The following USH2A variants were observed in gnomAD, a reference collection of about 807,000 sequenced individuals.
The protein encoded by USH2A is usherin.
In USH2A, 443 loss-of-function variants were observed where a neutral mutation model predicts 538.9. The observed-to-expected ratio is 0.82, with a 90% CI of 0.76 to 0.89. The LOEUF (loss-of-function observed/expected upper bound fraction) is 0.89, where lower values mean the gene tolerates loss of function less well. Ranked by LOEUF, USH2A falls within the 40% of genes least tolerant of loss-of-function variation. The pLI is 0.00. For missense variants in USH2A, 6,633 were observed against 6,324.8 expected, an observed-to-expected ratio of 1.05 and a Z score of -1.65; for synonymous variants, 2,413 against 2,273.5, an observed-to-expected ratio of 1.06 and a Z score of -1.75.
intron 3 of USH2A, among the ~76,000 whole-genome samples, chr1:216,369,597 A>G (rs550248486): frequency 6.6e-6 from 1 of 152,278 alleles, no homozygotes; most frequent in African/African-American, 2.4e-5. Flanking sequence ...TTGGCATTAC[A>G]AAAGTAGTTA....
intron 64 of USH2A, among the ~76,000 whole-genome samples, chr1:215,655,746 TTTTC>T (rs1558039933): frequency 6.8e-6 from 1 of 146,952 alleles, no homozygotes; most frequent in South Asian, 2.3e-4. Context: ...TTTTTTTTTT[TTTTC>T]TTTGAGACAG....
intron 32 of USH2A, among the ~76,000 whole-genome samples, chr1:216,006,954 T>C (rs925440100): frequency 3.3e-5 from 5 of 152,210 alleles, no homozygotes; most frequent in African/African-American, 9.6e-5. Flanking sequence ...TCTTGAATTG[T>C]AGTTCCCATA....
At chr1:216,315,681 A>G (rs1020505809) in intron 9 of USH2A, among the ~76,000 whole-genome samples, 1 of 152,158 alleles carries the variant, frequency 6.6e-6, no homozygotes, top group Non-Finnish European at 1.5e-5. Flanking sequence ...AGAGTACACA[A>G]ATTGTCTTTA....
At chr1:216,166,133 G>A (rs2034164415) in intron 21 of USH2A, among the ~76,000 whole-genome samples, 1 of 152,082 alleles carries the variant, frequency 6.6e-6, no homozygotes, top group Non-Finnish European at 1.5e-5. Flanking sequence ...CCCAGATTTG[G>A]CATGGGAGGA....
At chr1:216,410,240 G>T in intron 3 of USH2A, among the ~76,000 whole-genome samples, 1 of 152,152 alleles carries the variant, frequency 6.6e-6, no homozygotes, top group Non-Finnish European at 1.5e-5. Context: ...ATGCTTAATA[G>T]GCTGATGTTG....
At chr1:215,687,439 C>T (rs570413298) in intron 61 of USH2A, among the ~76,000 whole-genome samples, 221 of 151,890 alleles carry the variant, frequency 1.5e-3, no homozygotes, top group African/African-American at 5.1e-3. Context: ...AAAGAAGACT[C>T]AATTCACAGA....
intron 61 of USH2A, among the ~76,000 whole-genome samples, chr1:215,694,108 G>A (rs1314839298): frequency 6.6e-6 from 1 of 152,168 alleles, no homozygotes; most frequent in Non-Finnish European, 1.5e-5. Context: ...GACTGGCACT[G>A]TACTCCAACT....
intron 13 of USH2A, among the ~76,000 whole-genome samples, chr1:216,232,594 A>T (rs2035722106): frequency 6.6e-6 from 1 of 152,218 alleles, no homozygotes; most frequent in Non-Finnish European, 1.5e-5. Flanking sequence ...CAGACTAAAA[A>T]AAGTTATCTG....
chr1:216,352,168 T>G (rs2038299962), intron 4 of USH2A, among the ~76,000 whole-genome samples: 1 of 152,096 alleles, frequency 6.6e-6, no homozygotes, highest in Non-Finnish European at 1.5e-5. Flanking sequence ...CATTTAAAGC[T>G]ATAAGACTGG....
At chr1:216,388,056 C>T (rs1445157613) in intron 3 of USH2A, among the ~76,000 whole-genome samples, 1 of 152,018 alleles carries the variant, frequency 6.6e-6, no homozygotes, top group Non-Finnish European at 1.5e-5. Flanking sequence ...AAGTCCTTGC[C>T]CAGGACTTGA....
intron 17 of USH2A, among the ~76,000 whole-genome samples, chr1:216,198,917 T>C (rs897187544): frequency 6.6e-6 from 1 of 152,322 alleles, no homozygotes; most frequent in East Asian, 1.9e-4. Context: ...AGAATTGATA[T>C]TCACAATTTC....
Position 215,752,620 on chromosome 1 carries a change from C to T in USH2A, c.11389+5975G>A, listed in dbSNP as rs577029647. Reference sequence around the variant, plus strand: ...AAAGCTTTCTGGTTACTACTTCCTTCACGCTGCAAAAAGTCATTGTTGCAA... The same window carrying T: ...AAAGCTTTCTGGTTACTACTTCCTTTACGCTGCAAAAAGTCATTGTTGCAA... On this transcript the variant is annotated intron_variant, in intron 58 of 71. Transcript: ENST00000307340. Among the ~76,000 whole-genome samples, 6 of 152,306 alleles carry T rather than the reference C, an allele frequency of 3.9e-5. No individual in the cohort carries two copies. In the South Asian group the frequency reaches 6.2e-4, roughly 16 times the overall value.
chr1:216,260,964 C>T (rs183781028), intron 11 of USH2A, among the ~76,000 whole-genome samples: 1 of 152,142 alleles, frequency 6.6e-6, no homozygotes, highest in Admixed American at 6.6e-5. Flanking sequence ...AATATTTGAG[C>T]TTTTAACCTC....
chr1:216,422,393 C>A lies in USH2A; in HGVS notation c.-57G>T. The A allele has an allele frequency of 1.2e-6, 2 of 1,609,668 alleles. No homozygotes were observed. The highest frequency in any genetic ancestry group is 1.7e-6 in the Non-Finnish European group (2 of 1,178,184). On this transcript the variant is annotated 5_prime_UTR_variant, in exon 2 of 72. Transcript: ENST00000307340. ...GCATTTCTAAATAAATAATCAGGCCCACGCCACTTGCCAGCAATACTTTGA... is the reference window on the plus strand; with the variant it reads ...GCATTTCTAAATAAATAATCAGGCCAACGCCACTTGCCAGCAATACTTTGA...
chr1:216,073,466 C>T (rs1000184392), intron 27 of USH2A, among the ~76,000 whole-genome samples, 166 bp from the exon 28 acceptor site: 1 of 152,180 alleles, frequency 6.6e-6, no homozygotes, highest in Admixed American at 6.5e-5. Flanking sequence ...TACTTTTTAA[C>T]AAGCTAATTT....
chr1:215,919,255 G>T (rs560350934), intron 38 of USH2A, among the ~76,000 whole-genome samples: 2 of 152,140 alleles, frequency 1.3e-5, no homozygotes, highest in East Asian at 3.9e-4. Flanking sequence ...CTAATTTGCT[G>T]CTGCCTAATC....
At chr1:216,032,782 C>T (rs1669158072) in intron 32 of USH2A, among the ~76,000 whole-genome samples, 1 of 152,068 alleles carries the variant, frequency 6.6e-6, no homozygotes, top group Non-Finnish European at 1.5e-5. Flanking sequence ...CTGATAGCAG[C>T]TCATGACTGA....
chr1:215,859,298 G>A (rs1664255251), intron 44 of USH2A, among the ~76,000 whole-genome samples: 1 of 152,110 alleles, frequency 6.6e-6, no homozygotes, highest in South Asian at 2.1e-4. Context: ...ACTTTGGAAG[G>A]CCGAGGCGGG....
chr1:216,090,310 T>C (rs2032266048), intron 22 of USH2A, among the ~76,000 whole-genome samples: 1 of 152,012 alleles, frequency 6.6e-6, no homozygotes, highest in Admixed American at 6.6e-5. Context: ...TTTCTGTTTA[T>C]CTTTCTCTGA....
Sources: allele counts gnomAD v4.1 joint callset (sites outside exome capture counted in the v4.1 genomes callset), GRCh38; gene constraint gnomAD v4.1.1; transcripts MANE v1.5; gene names NCBI Gene and HGNC (gene_info 2026-07-23, HGNC 2026-07-21).